Variants in REPS2 observed in about 807,000 individuals in gnomAD.
The protein encoded by REPS2 is ralBP1-associated Eps domain-containing protein 2.
In REPS2, 23 loss-of-function variants were observed where a neutral mutation model predicts 53.6. The ratio of observed to expected loss-of-function variants is 0.43; its 90% CI spans 0.31 to 0.61. The LOEUF is 0.61. Among genes scored for constraint, REPS2 ranks in the 20% least tolerant of loss-of-function variants. REPS2 has a pLI of 0.11. For missense variants in REPS2, 446 were observed against 534.9 expected, an observed-to-expected ratio of 0.83 and a Z score of 1.64; for synonymous variants, 238 against 218.6, an observed-to-expected ratio of 1.09 and a Z score of -0.78.
chrX:17,154,127 A>G (rs1381879549), downstream of REPS2, among the ~76,000 whole-genome samples: 1 of 111,812 alleles, frequency 8.9e-6, no homozygotes, highest in Non-Finnish European at 1.9e-5. Flanking sequence ...GATGTACGCT[A>G]AAGCTGGAAC....
At chrX:17,031,081 T>A (rs2061703787) in intron 5 of REPS2, among the ~76,000 whole-genome samples, 1 of 112,553 alleles carries the variant, frequency 8.9e-6, no homozygotes, top group South Asian at 3.7e-4. Flanking sequence ...TAGTTGGCTG[T>A]GTTTAGAGAT....
At chrX:17,120,486 C>T (rs2063127261) in intron 14 of REPS2, among the ~76,000 whole-genome samples, 1 of 111,782 alleles carries the variant, frequency 8.9e-6, no homozygotes, top group South Asian at 3.8e-4. Context: ...GAGTGAAGAT[C>T]TCTAAAGCAC....
chrX:16,968,204 AG>A (rs2060801148), intron 1 of REPS2, among the ~76,000 whole-genome samples: 1 of 111,694 alleles, frequency 9.0e-6, no homozygotes, highest in South Asian at 3.7e-4. Context: ...AATTTTTCTT[AG>A]TACAGAACAA....
At chrX:17,034,577 A>G (rs913268194) in intron 5 of REPS2, among the ~76,000 whole-genome samples, 7 of 111,988 alleles carry the variant, frequency 6.3e-5, no homozygotes, top group African/African-American at 2.3e-4. Context: ...ATATATTTTT[A>G]CCTGAATTTA....
Position 17,149,205 on chromosome X carries a change from G to A in REPS2, c.*1724G>A, listed in dbSNP as rs2063545387. 3 of 229,038 alleles carry A rather than the reference G, an allele frequency of 1.3e-5. No individual in the cohort carries two copies. Among genetic ancestry groups the A allele is most frequent in the South Asian group, 1.0e-4 (2 of 19,932 alleles). The allele number at this position is 229,038 out of a possible 1,213,427, so 18.9% of individuals were successfully genotyped here. On this transcript the variant is annotated 3_prime_UTR_variant, in exon 18 of 18. Transcript: ENST00000357277. ...TTTGTGGGGGAAGGGTTGGGAGTAA[G>A]TTTAAACTCTTCCGAAGATTATGAA...
At chrX:17,108,918 CTTT>C (rs566199087) in intron 14 of REPS2, among the ~76,000 whole-genome samples, 1 of 86,663 alleles carries the variant, frequency 1.2e-5, no homozygotes, top group Non-Finnish European at 2.3e-5. Context: ...AACAACAGAA[CTTT>C]TTTTTTTTTT....
chrX:17,050,303 C>T (rs2061984247), intron 6 of REPS2, among the ~76,000 whole-genome samples: 1 of 101,571 alleles, frequency 9.8e-6, no homozygotes, highest in Non-Finnish European at 2.0e-5. Flanking sequence ...GATCCTCCCA[C>T]CTCAGCCTCC....
chrX:16,969,316 G>T (rs2060842318), intron 1 of REPS2, among the ~76,000 whole-genome samples: 1 of 111,839 alleles, frequency 8.9e-6, no homozygotes, highest in African/African-American at 3.3e-5. Context: ...TCACTTTCCA[G>T]ACGGGGTGGC....
chrX:17,115,786 C>T (rs1310450085), intron 14 of REPS2, among the ~76,000 whole-genome samples: 1 of 112,291 alleles, frequency 8.9e-6, no homozygotes, highest in Non-Finnish European at 1.9e-5. Flanking sequence ...TCTTGCACCG[C>T]CCTTAATCCG....
intron 8 of REPS2, 148 bp from the exon 9 acceptor site, chrX:17,062,290 C>A: frequency 2.3e-6 from 1 of 425,892 alleles, no homozygotes; most frequent in Non-Finnish European, 4.0e-6. Flanking sequence ...ACTGAAAGTA[C>A]TACCTCAGCA....
At chrX:16,947,961 G>A (rs755853769) in intron 1 of REPS2, among the ~76,000 whole-genome samples, 1 of 112,303 alleles carries the variant, frequency 8.9e-6, no homozygotes, top group South Asian at 3.7e-4. Flanking sequence ...TTTCCTTGGA[G>A]CTTGGAGAAA....
At position 17,050,146 on chromosome X, in the gene REPS2, CTTT is replaced by C. The variant is rs1569148263; in HGVS notation, c.908-2235_908-2233del. Among the ~76,000 whole-genome samples, 5 of 28,536 alleles carry C rather than the reference CTTT, an allele frequency of 1.8e-4. 1 individual carries two copies. The highest frequency in any genetic ancestry group is 2.2e-4 in the Non-Finnish European group (4 of 18,126). The allele number at this position is 28,536 out of a possible 115,157, so 24.8% of individuals were successfully genotyped here. On this transcript the variant is annotated intron_variant, in intron 6 of 17. Transcript: ENST00000357277. ...TCTTTCTTTCTTCCTTTCTTCCTTT[CTTT>C]CTTTCTTTCTTTCTTTCTTTCTTTC... is the stretch of plus-strand genomic sequence containing the variant.
At chrX:17,072,954 T>C (rs112256732) in intron 11 of REPS2, among the ~76,000 whole-genome samples, 2,860 of 112,265 alleles carry the variant, frequency 0.025, 97 homozygotes, top group African/African-American at 0.089. Flanking sequence ...CTGTTTGAAG[T>C]TGGAAGATCT....
chrX:17,011,116 A>G (rs2061425098), intron 2 of REPS2, among the ~76,000 whole-genome samples: 1 of 108,390 alleles, frequency 9.2e-6, no homozygotes, highest in African/African-American at 3.4e-5. Flanking sequence ...CAGTAGCTGC[A>G]TCTGAACTAG....
chrX:17,092,289 G>T (rs1392210618), intron 13 of REPS2, among the ~76,000 whole-genome samples: 1 of 112,086 alleles, frequency 8.9e-6, no homozygotes, highest in Non-Finnish European at 1.9e-5. Flanking sequence ...ATTTCTAAGC[G>T]TAATGAAATA....
At chrX:17,094,149 G>T (rs2062665142) in intron 13 of REPS2, among the ~76,000 whole-genome samples, 1 of 111,867 alleles carries the variant, frequency 8.9e-6, no homozygotes, top group Non-Finnish European at 1.9e-5. Context: ...AGGGTGCATG[G>T]AGCTCAATTT....
At chrX:17,164,002 CATATA>C in the REPS2 span, among the ~76,000 whole-genome samples, 9 of 111,885 alleles carry the variant, frequency 8.0e-5, no homozygotes, top group East Asian at 2.8e-4. Flanking sequence ...TGTTGATGAA[CATATA>C]ATATATAAAG....
At chrX:17,005,347 A>T (rs1052735898) in intron 1 of REPS2, among the ~76,000 whole-genome samples, 1 of 111,411 alleles carries the variant, frequency 9.0e-6, no homozygotes, top group African/African-American at 3.3e-5. Flanking sequence ...GTCACAAAAA[A>T]CTTGAATATG....
intron 13 of REPS2, among the ~76,000 whole-genome samples, chrX:17,088,555 A>G (rs2062572312): frequency 1.8e-5 from 2 of 109,105 alleles, no homozygotes; most frequent in African/African-American, 6.7e-5. Flanking sequence ...CAGGCAATAT[A>G]ATGGCTTTGT....
Sources: gnomAD v4.1 joint callset for allele counts (sites outside exome capture counted in the v4.1 genomes callset) on GRCh38, gnomAD v4.1.1 for gene constraint, MANE v1.5 for transcripts, NCBI Gene and HGNC (gene_info 2026-07-23, HGNC 2026-07-21) for gene names.